MNT: variants seen among roughly 807,000 people sequenced by gnomAD.
MNT encodes MAX network transcriptional repressor, also known as max-binding protein MNT.
In MNT, 13 loss-of-function variants were observed where a neutral mutation model predicts 40.7. The ratio of observed to expected loss-of-function variants is 0.32; its 90% CI spans 0.21 to 0.51. The LOEUF (loss-of-function observed/expected upper bound fraction) is 0.51, where lower values mean the gene tolerates loss of function less well. MNT is among the 20% of genes least tolerant of loss of function. The probability of loss-of-function intolerance (pLI) is 0.98; values close to 1 mark genes in which losing one functional copy is unlikely to be tolerated. For synonymous variants in MNT, 426 were observed against 354.8 expected (o/e 1.20, Z -2.26); for missense variants, 757 against 792.0 (o/e 0.96, Z 0.53).
Position 2,387,894 on chromosome 17 carries a change from C to A in MNT, c.963G>T (p.Gln321His). ...AGGTGGAGGCCTGGTCATCCTCGGG[C>A]TGGCCCGTCTGCCGCAGCACGCGGT... ...EIDRVLRQTG[Q>H]PEDDQASTST... is the part of the protein sequence containing the mutation. The change falls in exon 5 of 6, where the codon CAG (glutamine) becomes CAT (histidine). Residue 321 changes from glutamine (Q) to histidine (H), a missense_variant. By Grantham distance (24) the Gln-to-His change is conservative (BLOSUM62 0). Transcript: ENST00000174618. 6.9e-6 allele frequency: 11 copies of A among 1,603,520 alleles called. No individual in the cohort carries two copies. Among genetic ancestry groups the A allele is most frequent in the Non-Finnish European group, 9.3e-6 (11 of 1,178,728 alleles).
rs2066610489 is a variant in MNT at position 2,400,848 on chromosome 17, G to A, written c.-136C>T. ...AGGGCTGGGCGGCGCAGCGCACTCC[G>A]CAGGGAAGAACGGGGGAGCACGGGG... On this transcript the variant is annotated 5_prime_UTR_variant, in exon 1 of 6. Coordinates refer to ENST00000174618, the MANE Select transcript of MNT (RefSeq NM_020310.3). 7.4e-6 allele frequency: 4 copies of A among 544,194 alleles called. No homozygotes were observed. Among genetic ancestry groups the A allele is most frequent in the South Asian group, 3.1e-5 (1 of 31,884 alleles). The allele number at this position is 544,194 out of a possible 1,614,324, so 33.7% of individuals were successfully genotyped here. A position where few individuals can be genotyped will look rare whatever the true frequency, so the allele number is the denominator to read the frequency against.
At chr17:2,398,918 C>T (rs957319514) in intron 1 of MNT, among the ~76,000 whole-genome samples, 3 of 152,096 alleles carry the variant, frequency 2.0e-5, no homozygotes, top group Non-Finnish European at 4.4e-5. Context: ...TCACATATCT[C>T]CAGTGACTCT....
chr17:2,400,774 G>A lies in MNT; in HGVS notation c.-62C>T, dbSNP rs1597424099. ...GCTGCGGCCCGCGAGCCGGGCACAG[G>A]TCAGGCTGGCGGGCAGGCAGGAGGG... On this transcript the variant is annotated 5_prime_UTR_variant, in exon 1 of 6. Transcript: ENST00000174618. The A allele has an allele frequency of 7.0e-7, 1 of 1,431,018 alleles. No homozygotes were observed. The highest frequency in any genetic ancestry group is 9.2e-7 in the Non-Finnish European group (1 of 1,086,928). 88.6% of individuals were successfully genotyped at this position (1,431,018 alleles called of 1,614,324 possible).
chr17:2,388,068 G>A lies in MNT; in HGVS notation c.808-19C>T. 6.5e-7 allele frequency: 1 copy of A among 1,541,706 alleles called. No homozygotes were observed. Among genetic ancestry groups the A allele is most frequent in the Non-Finnish European group, 8.8e-7 (1 of 1,139,310 alleles). Reference sequence around the variant, plus strand: ...TCAGGGACTGGCACACAGAGTAAGGGACAGCAGGACACCCTGAGCAGCAGC... The same window carrying A: ...TCAGGGACTGGCACACAGAGTAAGGAACAGCAGGACACCCTGAGCAGCAGC... On this transcript the variant is annotated intron_variant, in intron 4 of 5. Transcript: ENST00000174618.
chr17:2,397,988 C>G (rs1326349831), intron 1 of MNT, among the ~76,000 whole-genome samples: 2 of 152,264 alleles, frequency 1.3e-5, no homozygotes, highest in Non-Finnish European at 2.9e-5. Flanking sequence ...AAGAGCAGAG[C>G]CAGCGTGCTC....
intron 1 of MNT, chr17:2,400,379 A>T (rs2066606590): frequency 5.3e-6 from 2 of 379,356 alleles, no homozygotes; most frequent in African/African-American, 4.3e-5. Flanking sequence ...AGCCCACCAC[A>T]GAAGGGGCAC....
At chr17:2,391,410 T>G (rs901332939) in intron 4 of MNT, 1 of 152,262 alleles carries the variant, frequency 6.6e-6, no homozygotes, top group African/African-American at 2.4e-5. Flanking sequence ...CACCTGTGGG[T>G]AGGATATAGT....
chr17:2,394,470 G>A lies in MNT; in HGVS notation c.654-124C>T, dbSNP rs1597420580. On this transcript the variant is annotated intron_variant, in intron 2 of 5. Transcript: ENST00000174618. ...CCCCAACACTGTCTTAAAGCAGACTGGGAGACGTTCGCCCTGTGCCATGCT... is the reference window on the plus strand; with the variant it reads ...CCCCAACACTGTCTTAAAGCAGACTAGGAGACGTTCGCCCTGTGCCATGCT... The A allele has an allele frequency of 7.7e-6, 11 of 1,436,806 alleles. No homozygotes were observed. In the East Asian group the frequency reaches 2.5e-4, roughly 33 times the overall value. 89.0% of individuals were successfully genotyped at this position (1,436,806 alleles called of 1,614,324 possible).
intron 1 of MNT, among the ~76,000 whole-genome samples, chr17:2,399,039 A>T (rs191782650): frequency 2.0e-3 from 265 of 135,056 alleles, no homozygotes; most frequent in Middle Eastern, 3.9e-3. Context: ...CGGCGGCGGC[A>T]CACGGCGGCG....
Position 2,387,633 on chromosome 17 carries a change from T to C in MNT, c.1017A>G (p.Ile339Met), listed in dbSNP as rs771316978. 1.9e-6 allele frequency: 3 copies of C among 1,613,906 alleles called. No homozygotes were observed. The Admixed American group carries it at 5.0e-5, about 27-fold the overall frequency. ...TSTASEGEDN[I>M]DEDMEEDRAG... ...CCCGGTCCTCCTCCATATCCTCGTC[T>C]ATGTTGTCCTCACCCTCTGTGGGGA... The change falls in exon 6 of 6, where the codon ATA (isoleucine) becomes ATG (methionine). Residue 339 changes from isoleucine to methionine, a missense_variant. By Grantham distance (10) the Ile-to-Met change is conservative. Transcript: ENST00000174618.
chr17:2,397,126 G>C (rs2066583775), intron 1 of MNT, among the ~76,000 whole-genome samples: 1 of 152,222 alleles, frequency 6.6e-6, no homozygotes, highest in South Asian at 2.1e-4. Context: ...GGCTGGGCCA[G>C]CCAGCGGGCC....
chr17:2,397,132 G>A (rs944990859), intron 1 of MNT, among the ~76,000 whole-genome samples: 22 of 152,318 alleles, frequency 1.4e-4, no homozygotes, highest in African/African-American at 5.1e-4. Flanking sequence ...GCCAGCCAGC[G>A]GGCCTCTTCC....
In MNT at chr17:2,385,344, C is replaced by T. The variant is rs2066449225; in HGVS notation, c.*1557G>A. ...CCTCCCCCCGGCCCCCTCGCCGGCC[C>T]AGGCCCCTGCCCCAGCCCATCAGTG... On this transcript the variant is annotated 3_prime_UTR_variant, in exon 6 of 6. Coordinates refer to ENST00000174618, the MANE Select transcript of MNT (RefSeq NM_020310.3). 2 of 152,624 alleles carry T rather than the reference C, an allele frequency of 1.3e-5. No homozygotes were observed. The highest frequency in any genetic ancestry group is 4.8e-5 in the African/African-American group (2 of 41,592). The allele number at this position is 152,624 out of a possible 1,614,324, so 9.5% of individuals were successfully genotyped here. A position where few individuals can be genotyped will look rare whatever the true frequency, so the allele number is the denominator to read the frequency against.
chr17:2,393,682 G>A (rs1291900313), intron 4 of MNT: 2 of 154,642 alleles, frequency 1.3e-5, no homozygotes, highest in Non-Finnish European at 2.9e-5. Context: ...CCGGGGAGGA[G>A]GCGCCGGGCC....
chr17:2,387,721 T>C (rs992199536), intron 5 of MNT, 72 bp from the exon 6 acceptor site: 18 of 1,578,938 alleles, frequency 1.1e-5, no homozygotes, highest in Non-Finnish European at 1.6e-5. Context: ...TAGATGCTCG[T>C]GGGGGCGTGG....
At chr17:2,393,307 C>T (rs1315267683) in intron 4 of MNT, among the ~76,000 whole-genome samples, 1 of 152,106 alleles carries the variant, frequency 6.6e-6, no homozygotes, top group East Asian at 1.9e-4. Context: ...CCTGACGTGG[C>T]GGCGCCCCCG....
At chr17:2,397,338 C>A (rs2066585058) in intron 1 of MNT, among the ~76,000 whole-genome samples, 3 of 152,166 alleles carry the variant, frequency 2.0e-5, no homozygotes, top group Admixed American at 2.0e-4. Flanking sequence ...TTGTCCCCAG[C>A]CCCTTCCCCT....
intron 4 of MNT, 170 bp downstream of exon 4, chr17:2,393,873 A>C: frequency 2.9e-6 from 1 of 340,440 alleles, no homozygotes; most frequent in Non-Finnish European, 5.2e-6. Context: ...CCTCCCGGGC[A>C]GGGAGCCCCG....
chr17:2,394,612 G>C (rs1370340825), intron 2 of MNT, among the ~76,000 whole-genome samples: 10 of 152,098 alleles, frequency 6.6e-5, no homozygotes. Flanking sequence ...GTTGACCCCA[G>C]CCCTCACCCA....
Sources: gnomAD v4.1 joint callset for allele counts (sites outside exome capture counted in the v4.1 genomes callset) on GRCh38, gnomAD v4.1.1 for gene constraint, MANE v1.5 for transcripts, NCBI Gene and HGNC (gene_info 2026-07-23, HGNC 2026-07-21) for gene names.